The following CNTN1 variants were observed in gnomAD, a reference collection of about 807,000 sequenced individuals.
The protein encoded by CNTN1 is contactin 1.
Under a neutral mutation model 126.4 loss-of-function variants are expected in CNTN1, and 38 were observed. The ratio of observed to expected loss-of-function variants is 0.30; its 90% confidence interval spans 0.23 to 0.39. The LOEUF (loss-of-function observed/expected upper bound fraction) is 0.39. Ranked by LOEUF, CNTN1 falls within the 10% of genes least tolerant of loss-of-function variation. The pLI is 1.00. For missense variants in CNTN1, 1,009 were observed against 1,248.4 expected (o/e 0.81, Z 2.89); for synonymous variants, 413 against 422.6 (o/e 0.98, Z 0.28).
intron 1 of CNTN1, among the ~76,000 whole-genome samples, chr12:40,716,435 A>G (rs1242232953): frequency 6.6e-6 from 1 of 151,762 alleles, no homozygotes; most frequent in East Asian, 1.9e-4. Context: ...CCACAAATCT[A>G]AATACCTTGG....
chr12:40,869,362 G>A (rs1943410691), intron 1 of CNTN1, among the ~76,000 whole-genome samples: 1 of 151,402 alleles, frequency 6.6e-6, no homozygotes, highest in Admixed American at 6.6e-5. Context: ...GCCCTCCCTG[G>A]GATCAAGTGA....
intron 1 of CNTN1, among the ~76,000 whole-genome samples, chr12:40,889,110 C>T (rs1007336973): frequency 6.6e-6 from 1 of 152,202 alleles, no homozygotes; most frequent in Non-Finnish European, 1.5e-5. Flanking sequence ...AAGGGTTAAA[C>T]CTGCTGCCTT....
At chr12:40,921,507 T>A (rs1189844890) in intron 4 of CNTN1, among the ~76,000 whole-genome samples, 1 of 152,222 alleles carries the variant, frequency 6.6e-6, no homozygotes, top group Non-Finnish European at 1.5e-5. Context: ...TATAACACTA[T>A]CCCTATCAGT....
intron 17 of CNTN1, among the ~76,000 whole-genome samples, chr12:41,006,102 A>G (rs551749502): frequency 6.6e-6 from 1 of 151,658 alleles, no homozygotes; most frequent in Admixed American, 6.6e-5. Context: ...TTTCTCTTTT[A>G]TCCTATTTGA....
chr12:40,706,481 CT>C (rs2121138588), intron 1 of CNTN1, among the ~76,000 whole-genome samples: 1 of 152,184 alleles, frequency 6.6e-6, no homozygotes, highest in South Asian at 2.1e-4. Context: ...ATTATCCATA[CT>C]TATGTCCATG....
chr12:40,873,797 T>G (rs1943583455), intron 1 of CNTN1, among the ~76,000 whole-genome samples: 1 of 152,158 alleles, frequency 6.6e-6, no homozygotes, highest in Non-Finnish European at 1.5e-5. Flanking sequence ...TTTGTCAGTT[T>G]ATTACTCTGT....
At chr12:40,747,935 G>T (rs17128725) in intron 1 of CNTN1, among the ~76,000 whole-genome samples, 3 of 152,150 alleles carry the variant, frequency 2.0e-5, no homozygotes, top group Non-Finnish European at 4.4e-5. Context: ...TTCATGAAAG[G>T]AGAGTATTAG....
chr12:40,727,107 G>A (rs1942376889), intron 1 of CNTN1, among the ~76,000 whole-genome samples: 1 of 149,790 alleles, frequency 6.7e-6, no homozygotes, highest in Non-Finnish European at 1.5e-5. Context: ...AAGAACATGA[G>A]GAAATATTTT....
At chr12:40,740,196 T>C (rs1356567807) in intron 1 of CNTN1, among the ~76,000 whole-genome samples, 1 of 152,084 alleles carries the variant, frequency 6.6e-6, no homozygotes, top group Non-Finnish European at 1.5e-5. Flanking sequence ...GAGGAGTATG[T>C]AAATAATCAT....
chr12:40,904,453 G>C (rs1944738462), intron 1 of CNTN1, among the ~76,000 whole-genome samples: 3 of 133,950 alleles, frequency 2.2e-5, no homozygotes, highest in Admixed American at 1.7e-4. Flanking sequence ...TTCTTTCTCA[G>C]AGTTTCACTC....
At chr12:40,927,504 AG>A (rs1176299527) in intron 6 of CNTN1, among the ~76,000 whole-genome samples, 1 of 152,064 alleles carries the variant, frequency 6.6e-6, no homozygotes, top group African/African-American at 2.4e-5. Context: ...ACCTCAGGCA[AG>A]TCACTTCACC....
At chr12:41,010,772 G>T (rs1228288807) in intron 17 of CNTN1, among the ~76,000 whole-genome samples, 1 of 151,944 alleles carries the variant, frequency 6.6e-6, no homozygotes, top group African/African-American at 2.4e-5. Context: ...AATAGATTTT[G>T]CCCTTGCTCT....
At chr12:40,969,899 G>A (rs1947443716) in intron 15 of CNTN1, among the ~76,000 whole-genome samples, 1 of 152,138 alleles carries the variant, frequency 6.6e-6, no homozygotes, top group Non-Finnish European at 1.5e-5. Context: ...ACACCAGAGT[G>A]TAGAGATCCC....
intron 23 of CNTN1, among the ~76,000 whole-genome samples, chr12:41,030,529 T>C (rs1377928829): frequency 6.6e-6 from 1 of 152,182 alleles, no homozygotes; most frequent in African/African-American, 2.4e-5. Flanking sequence ...AATTTACTTA[T>C]AGTCACTCTG....
At chr12:40,883,175 C>A (rs1943926154) in intron 1 of CNTN1, among the ~76,000 whole-genome samples, 2 of 151,528 alleles carry the variant, frequency 1.3e-5, no homozygotes, top group Admixed American at 1.3e-4. Context: ...TTTAGATTCC[C>A]AGGTGATCCT....
intron 12 of CNTN1, among the ~76,000 whole-genome samples, chr12:40,940,071 G>C (rs1478388548): frequency 2.6e-5 from 4 of 152,106 alleles, no homozygotes; most frequent in Non-Finnish European, 2.9e-5. Flanking sequence ...AAGCCACACT[G>C]AATAGTTTAT....
chr12:40,830,938 T>TATAC (rs1555165591), intron 1 of CNTN1, among the ~76,000 whole-genome samples: 1 of 69,272 alleles, frequency 1.4e-5, no homozygotes, highest in Non-Finnish European at 3.2e-5. Flanking sequence ...TACATATACA[T>TATAC]ATATATATAT....
At chr12:41,002,424 T>G (rs1432637623) in intron 17 of CNTN1, among the ~76,000 whole-genome samples, 1 of 152,166 alleles carries the variant, frequency 6.6e-6, no homozygotes, top group Admixed American at 6.5e-5. Flanking sequence ...CATTCCTCAT[T>G]TGGTTCTTGG....
chr12:41,061,705 C>A, intron 23 of CNTN1: 1 of 433,718 alleles, frequency 2.3e-6, no homozygotes, highest in Non-Finnish European at 4.6e-6. Context: ...GAATTACAGA[C>A]TCAGGGCTGT....
Sources: allele counts gnomAD v4.1 joint callset (sites outside exome capture counted in the v4.1 genomes callset), GRCh38; gene constraint gnomAD v4.1.1; transcripts MANE v1.5; gene names NCBI Gene and HGNC (gene_info 2026-07-23, HGNC 2026-07-21).